Variants in PTGER4 observed in about 807,000 individuals in gnomAD.
PTGER4 encodes the protein prostaglandin E2 receptor EP4 subtype.
PTGER4 carries 11 observed loss-of-function variants against 33.2 expected under a neutral mutation model. That is an observed-to-expected ratio of 0.33 (90% CI 0.21 to 0.55). The LOEUF is 0.55. Ranked by LOEUF, PTGER4 falls within the 20% of genes least tolerant of loss-of-function variation. The probability of loss-of-function intolerance (pLI) is 0.92; values close to 1 mark genes in which losing one functional copy is unlikely to be tolerated. For missense variants in PTGER4, 481 were observed against 650.2 expected (o/e 0.74, Z 2.83); for synonymous variants, 275 against 281.5 (o/e 0.98, Z 0.23).
At chr5:40,701,605 A>G in the PTGER4 span, among the ~76,000 whole-genome samples, 10 of 152,230 alleles carry the variant, frequency 6.6e-5, no homozygotes, top group Admixed American at 5.2e-4. Context: ...ATTAGAAAAT[A>G]TATTTCAGGA....
the PTGER4 span, chr5:40,730,150 C>G: frequency 1.3e-6 from 1 of 772,212 alleles, no homozygotes; most frequent in Non-Finnish European, 2.1e-6. Flanking sequence ...CCAAAGAAAC[C>G]GTATTTGTAA....
chr5:40,737,539 T>C, the PTGER4 span, among the ~76,000 whole-genome samples: 1 of 152,246 alleles, frequency 6.6e-6, no homozygotes, highest in African/African-American at 2.4e-5. Flanking sequence ...AGAATTATTT[T>C]ACATTTGACA....
chr5:40,722,655 C>A, the PTGER4 span, among the ~76,000 whole-genome samples: 2 of 149,822 alleles, frequency 1.3e-5, no homozygotes, highest in South Asian at 4.2e-4. Flanking sequence ...GGAAGTGAGG[C>A]GTGTCTCCGC....
chr5:40,680,860 A>G lies in PTGER4; in HGVS notation c.-43-91A>G, dbSNP rs1741164093. On this transcript the variant is annotated intron_variant, in intron 1 of 2. Coordinates refer to ENST00000302472, the MANE Select transcript of PTGER4 (RefSeq NM_000958.3). The surrounding 1 kb of genome is among the most constrained non-coding windows in gnomAD (Gnocchi z 5.5). ...AGGATCGAGTTGCTCCCCTTGTCTT[A>G]TCAGTGTATCGTTTCTCGGGCGCGG... 23 of 1,133,182 alleles carry G rather than the reference A, an allele frequency of 2.0e-5. No individual in the cohort carries two copies. The highest frequency in any genetic ancestry group is 2.9e-5 in the Non-Finnish European group (23 of 798,600). 70.2% of individuals were successfully genotyped at this position (1,133,182 alleles called of 1,614,324 possible).
chr5:40,742,787 T>A, the PTGER4 span, among the ~76,000 whole-genome samples: 2 of 152,206 alleles, frequency 1.3e-5, no homozygotes, highest in African/African-American at 4.8e-5. Context: ...CCAAAGGTCC[T>A]TTGTGGTTTG....
the PTGER4 span, among the ~76,000 whole-genome samples, chr5:40,722,695 A>C: frequency 6.6e-6 from 1 of 151,360 alleles, no homozygotes; most frequent in Non-Finnish European, 1.5e-5. Context: ...GGAAGTGAGG[A>C]GCGTCTCCGC....
chr5:40,697,180 AAATT>A (rs1407252946), downstream of PTGER4, among the ~76,000 whole-genome samples: 159 of 147,098 alleles, frequency 1.1e-3, 1 homozygote, highest in African/African-American at 1.8e-3. Flanking sequence ...AAAGGAAGAA[AAATT>A]AAGAAAGAAA....
At chr5:40,740,957 A>G in the PTGER4 span, among the ~76,000 whole-genome samples, 1 of 150,116 alleles carries the variant, frequency 6.7e-6, no homozygotes, top group Non-Finnish European at 1.5e-5. Context: ...CTTCCATTTC[A>G]CTCCTCATTA....
rs1486750346 is a variant in PTGER4, at chr5:40,692,890, A to G, written c.*512A>G. On this transcript the variant is annotated 3_prime_UTR_variant, in exon 3 of 3. Coordinates refer to ENST00000302472, the MANE Select transcript of PTGER4 (RefSeq NM_000958.3). ...AGAAGGTTTATTGTTAATACAAGGT[A>G]TAATAAAATTATCGCAACCCCTCTC... The G allele has an allele frequency of 1.0e-5, 10 of 982,884 alleles. No individual in the cohort carries two copies. In the African/African-American group the frequency reaches 1.6e-4, roughly 15 times the overall value. The allele number at this position is 982,884 out of a possible 1,614,324, so 60.9% of individuals were successfully genotyped here.
the PTGER4 span, among the ~76,000 whole-genome samples, chr5:40,735,176 G>T: frequency 2.0e-5 from 3 of 152,202 alleles, no homozygotes; most frequent in Non-Finnish European, 2.9e-5. Flanking sequence ...TATGCATGTG[G>T]ATTTAATTGT....
chr5:40,692,448 T>C lies in PTGER4; in HGVS notation c.*70T>C. ...ATCCTGTGCAATAGACACATACATG[T>C]CACATTTAGCTGTGCTCAGAAGGGC... On this transcript the variant is annotated 3_prime_UTR_variant, in exon 3 of 3. Coordinates refer to ENST00000302472, the MANE Select transcript of PTGER4 (RefSeq NM_000958.3). The C allele has an allele frequency of 6.6e-7, 1 of 1,507,196 alleles. No homozygotes were observed. Among genetic ancestry groups the C allele is most frequent in the East Asian group, 2.3e-5 (1 of 43,976 alleles). 93.4% of individuals were successfully genotyped at this position (1,507,196 alleles called of 1,614,324 possible). A position where few individuals can be genotyped will look rare whatever the true frequency, so the allele number is the denominator to read the frequency against.
downstream of PTGER4, chr5:40,696,845 C>T (rs1741590981): frequency 2.2e-6 from 1 of 446,016 alleles, no homozygotes; most frequent in African/African-American, 2.1e-5. Flanking sequence ...GAACAATGAA[C>T]AAGAACTCAA....
chr5:40,696,968 A>AAGAG (rs145461385), downstream of PTGER4, among the ~76,000 whole-genome samples: 55,734 of 104,386 alleles, frequency 0.53, 11,271 homozygotes, highest in Admixed American at 0.6. Context: ...GAGAGAAAGA[A>AAGAG]AGAGAGAGAG....
intron 2 of PTGER4, among the ~76,000 whole-genome samples, chr5:40,688,496 C>A (rs1741386738): frequency 6.6e-6 from 1 of 152,224 alleles, no homozygotes; most frequent in Non-Finnish European, 1.5e-5. Flanking sequence ...TTTTTACCAA[C>A]AATTCCATTG....
chr5:40,733,466 TATAA>T, the PTGER4 span, among the ~76,000 whole-genome samples: 2 of 152,238 alleles, frequency 1.3e-5, no homozygotes, highest in African/African-American at 4.8e-5. Context: ...AGGTTGTTTT[TATAA>T]ATAAAGTTTG....
chr5:40,736,951 A>G, the PTGER4 span, among the ~76,000 whole-genome samples: 7 of 152,200 alleles, frequency 4.6e-5, no homozygotes, highest in Non-Finnish European at 1.0e-4. Context: ...AGTAAACCAG[A>G]TTTTTGTTAA....
rs567137837 is a variant in PTGER4 at position 40,691,076 on chromosome 5, A to G, written c.868-703A>G. On this transcript the variant is annotated intron_variant, in intron 2 of 2. Transcript: ENST00000302472. The surrounding 1 kb of genome is among the most constrained non-coding windows in gnomAD (Gnocchi z 4.2). ...TGCTCTGTTGCCCTGGCTGGAGTGC[A>G]GTGGCATCATCTCAGCTCACTGCAA... 5.3e-5 allele frequency among the ~76,000 whole-genome samples: 8 copies of G among 152,330 alleles called. No individual in the cohort carries two copies. Among genetic ancestry groups the G allele is most frequent in the Admixed American group, 3.9e-4 (6 of 15,310 alleles).
In PTGER4 at chr5:40,693,200, T is replaced by TA. The variant is rs944270225; in HGVS notation, c.*824dup. The TA allele has an allele frequency of 1.0e-5, 10 of 983,464 alleles. No homozygotes were observed. The Admixed American group carries it at 4.9e-4, about 48-fold the overall frequency. 60.9% of individuals were successfully genotyped at this position (983,464 alleles called of 1,614,324 possible). On this transcript the variant is annotated 3_prime_UTR_variant, in exon 3 of 3. Coordinates refer to ENST00000302472, the MANE Select transcript of PTGER4 (RefSeq NM_000958.3). ...AGAAAACTGTGATTTCAGGAGAACC[T>TA]AACATGCTGGTGAATATTTTCAACT...
At chr5:40,690,975 C>G (rs945002611) in intron 2 of PTGER4, among the ~76,000 whole-genome samples, 1 of 152,190 alleles carries the variant, frequency 6.6e-6, no homozygotes, top group Non-Finnish European at 1.5e-5. Context: ...TAAAGCTATA[C>G]GAACTCAGAA....
Sources: gnomAD v4.1 joint callset for allele counts (sites outside exome capture counted in the v4.1 genomes callset) on GRCh38, gnomAD v4.1.1 for gene constraint, Gnocchi (gnomAD v3.1) non-coding constraint, MANE v1.5 for transcripts, NCBI Gene and HGNC (gene_info 2026-07-23, HGNC 2026-07-21) for gene names.